SHISA9: variants seen among roughly 807,000 people sequenced by gnomAD.
SHISA9 encodes the protein shisa family member 9.
Under a neutral mutation model 38.0 loss-of-function variants are expected in SHISA9, and 13 were observed. The observed-to-expected ratio is 0.34, with a 90% CI of 0.22 to 0.54. The LOEUF (loss-of-function observed/expected upper bound fraction) is 0.54. Ranked by LOEUF, SHISA9 falls within the 20% of genes least tolerant of loss-of-function variation. The probability of loss-of-function intolerance (pLI) is 0.91; values close to 1 mark genes in which losing one functional copy is unlikely to be tolerated. For synonymous variants in SHISA9, 275 were observed against 242.0 expected (o/e 1.14, Z -1.27); for missense variants, 538 against 575.8 (o/e 0.93, Z 0.67).
chr16:13,035,168 G>C (rs1385751696), intron 2 of SHISA9, among the ~76,000 whole-genome samples: 1 of 152,110 alleles, frequency 6.6e-6, no homozygotes, highest in African/African-American at 2.4e-5. Context: ...GAATATAATA[G>C]AATTAATAGC....
At chr16:13,312,418 T>C in the SHISA9 span, among the ~76,000 whole-genome samples, 1 of 152,182 alleles carries the variant, frequency 6.6e-6, no homozygotes, top group African/African-American at 2.4e-5. Flanking sequence ...CCCTCAGTCA[T>C]GGATTTCACA....
At chr16:13,300,469 C>T in the SHISA9 span, among the ~76,000 whole-genome samples, 1 of 152,102 alleles carries the variant, frequency 6.6e-6, no homozygotes, top group East Asian at 1.9e-4. Flanking sequence ...GTGATATGGT[C>T]TGCCCCATGA....
the SHISA9 span, among the ~76,000 whole-genome samples, chr16:13,270,472 C>T: frequency 3.2e-3 from 482 of 152,086 alleles, 3 homozygotes; most frequent in Non-Finnish European, 5.0e-3. Context: ...AAAATGAGGG[C>T]GATAGAATGA....
chr16:12,970,413 A>G (rs1207613946), intron 2 of SHISA9, among the ~76,000 whole-genome samples: 1 of 14,808 alleles, frequency 6.8e-5, no homozygotes, highest in Non-Finnish European at 1.3e-4. Flanking sequence ...ACATATATAT[A>G]TATACACATA....
Position 13,235,079 on chromosome 16 carries a change from G to C in SHISA9, c.945G>C (p.Glu315Asp). 1 of 1,551,546 alleles carries C rather than the reference G, an allele frequency of 6.4e-7. No individual in the cohort carries two copies. The highest frequency in any genetic ancestry group is 8.7e-7 in the Non-Finnish European group (1 of 1,146,970). ...DFYTKRRHLA[E>D]LAAKGNLPLH... ...ACACCAAGCGACGGCACCTGGCTGA[G>C]CTGGCTGCCAAGGGGAACTTACCTC... The change falls in exon 5 of 5, where the codon GAG becomes GAC. Residue 315 changes from glutamate to aspartate, a missense_variant. Transcript: ENST00000558583.
chr16:13,465,232 G>T, the SHISA9 span, among the ~76,000 whole-genome samples: 6 of 152,262 alleles, frequency 3.9e-5, no homozygotes, highest in Non-Finnish European at 5.9e-5. Flanking sequence ...CCAAACTCTG[G>T]CAACCAAAAA....
At chr16:13,379,785 C>T in the SHISA9 span, among the ~76,000 whole-genome samples, 2 of 152,088 alleles carry the variant, frequency 1.3e-5, no homozygotes, top group Admixed American at 1.3e-4. Context: ...CCACTCCCTT[C>T]CTTCAATTTA....
chr16:13,416,770 GGAAGGGAAGGAAGGAAGGAAGGGAA>G, the SHISA9 span, among the ~76,000 whole-genome samples: 1 of 96,386 alleles, frequency 1.0e-5, no homozygotes, highest in African/African-American at 3.7e-5. Context: ...AAGGAAGGAA[GGAAGGGAAGGAAGGAAGGAAGGGAA>G]GGAAGGAAGG....
At chr16:13,294,391 C>T in the SHISA9 span, among the ~76,000 whole-genome samples, 2 of 152,170 alleles carry the variant, frequency 1.3e-5, no homozygotes, top group African/African-American at 2.4e-5. Context: ...AGCCCTGCTT[C>T]GTGTATCATT....
At chr16:13,153,711 C>A (rs542289370) in intron 2 of SHISA9, among the ~76,000 whole-genome samples, 2 of 152,228 alleles carry the variant, frequency 1.3e-5, no homozygotes, top group African/African-American at 4.8e-5. Flanking sequence ...GGATGTTTGC[C>A]AGTCTTCTCT....
At chr16:13,427,172 C>T in the SHISA9 span, among the ~76,000 whole-genome samples, 7 of 152,200 alleles carry the variant, frequency 4.6e-5, no homozygotes, top group African/African-American at 1.7e-4. Context: ...AAATGCTAAG[C>T]TTAAAATGTC....
chr16:12,972,975 G>T (rs1331712354), intron 2 of SHISA9, among the ~76,000 whole-genome samples: 3 of 152,114 alleles, frequency 2.0e-5, no homozygotes, highest in Admixed American at 2.0e-4. Flanking sequence ...AATTAGCCAG[G>T]CGTGGTGGTG....
intron 3 of SHISA9, among the ~76,000 whole-genome samples, 168 bp downstream of exon 3, chr16:13,203,717 CTATAAA>C (rs1457512292): frequency 1.3e-5 from 2 of 152,040 alleles, no homozygotes; most frequent in Non-Finnish European, 2.9e-5. Flanking sequence ...CTCTCTCTGT[CTATAAA>C]TATGTATATC....
chr16:13,126,697 A>C (rs111065641), intron 2 of SHISA9, among the ~76,000 whole-genome samples: 1 of 125,866 alleles, frequency 7.9e-6, no homozygotes. Flanking sequence ...GGGAAGAAGA[A>C]AGTGGGAGGG....
intron 2 of SHISA9, among the ~76,000 whole-genome samples, chr16:12,994,004 C>G (rs1363811864): frequency 6.6e-6 from 1 of 151,934 alleles, no homozygotes; most frequent in Non-Finnish European, 1.5e-5. Context: ...AGTCAGAGAC[C>G]CTATGGAGGT....
chr16:13,045,461 T>C (rs974968485), intron 2 of SHISA9, among the ~76,000 whole-genome samples: 1 of 152,118 alleles, frequency 6.6e-6, no homozygotes, highest in African/African-American at 2.4e-5. Flanking sequence ...GTAGTACAGA[T>C]AGGTTCATGA....
At chr16:13,003,740 C>G (rs1475617385) in intron 2 of SHISA9, among the ~76,000 whole-genome samples, 1 of 152,124 alleles carries the variant, frequency 6.6e-6, no homozygotes. Flanking sequence ...TGCCTGTAAT[C>G]CCAGCTACTC....
intron 2 of SHISA9, among the ~76,000 whole-genome samples, chr16:13,026,433 ATTGT>A (rs1555455916): frequency 6.6e-6 from 1 of 152,214 alleles, no homozygotes; most frequent in Non-Finnish European, 1.5e-5. Flanking sequence ...ATACTATTCC[ATTGT>A]ATGACTACAT....
intron 2 of SHISA9, among the ~76,000 whole-genome samples, chr16:13,124,873 G>A (rs153086): frequency 0.8 from 121,657 of 152,136 alleles, 48,674 homozygotes; most frequent in East Asian, 0.9. Flanking sequence ...TGGGAAAAAG[G>A]CAGTCTCTTC....
Sources: gnomAD v4.1 joint callset for allele counts (sites outside exome capture counted in the v4.1 genomes callset) on GRCh38, gnomAD v4.1.1 for gene constraint, MANE v1.5 for transcripts, NCBI Gene and HGNC (gene_info 2026-07-23, HGNC 2026-07-21) for gene names.